Variants in MED12L observed in about 807,000 individuals in gnomAD.
The protein encoded by MED12L is mediator complex subunit 12L.
MED12L carries 60 observed loss-of-function variants against 281.3 expected under a neutral mutation model. The ratio of observed to expected loss-of-function variants is 0.21; its 90% CI spans 0.17 to 0.26. The LOEUF is 0.26. Among genes scored for constraint, MED12L ranks in the 10% least tolerant of loss-of-function variants. The pLI, the probability that MED12L is intolerant of heterozygous loss-of-function variation, is 1.00. For missense variants in MED12L, 2,146 were observed against 2,680.9 expected (o/e 0.80, Z 4.41); for synonymous variants, 974 against 987.2 (o/e 0.99, Z 0.25).
intron 16 of MED12L, among the ~76,000 whole-genome samples, chr3:151,255,405 C>T (rs747316521): frequency 2.7e-5 from 4 of 149,412 alleles, no homozygotes; most frequent in South Asian, 2.1e-4. Flanking sequence ...GTAGAGTAGA[C>T]GGAAAGTCCA....
chr3:151,277,209 G>GTT (rs1330337161), intron 16 of MED12L, among the ~76,000 whole-genome samples: 1 of 142,440 alleles, frequency 7.0e-6, no homozygotes, highest in African/African-American at 2.6e-5. Context: ...TGGCCTCCTT[G>GTT]TTTTTTTTTT....
At chr3:151,378,636 C>T (rs1303907176) in intron 31 of MED12L, among the ~76,000 whole-genome samples, 1 of 152,014 alleles carries the variant, frequency 6.6e-6, no homozygotes, top group African/African-American at 2.4e-5. Context: ...CCTCGGCCAC[C>T]ACAACTAATG....
chr3:151,258,947 C>T (rs1738352755), intron 16 of MED12L, among the ~76,000 whole-genome samples: 1 of 151,974 alleles, frequency 6.6e-6, no homozygotes, highest in African/African-American at 2.4e-5. Context: ...TGCTGTTAGC[C>T]TCTGCAGGCT....
chr3:151,244,468 C>G (rs1398548298), intron 16 of MED12L, among the ~76,000 whole-genome samples: 2 of 145,760 alleles, frequency 1.4e-5, no homozygotes, highest in Admixed American at 7.0e-5. Flanking sequence ...GAATCTCACT[C>G]AAAACCACTC....
intron 37 of MED12L, among the ~76,000 whole-genome samples, chr3:151,389,187 A>C (rs1271527322): frequency 6.6e-6 from 1 of 151,954 alleles, no homozygotes; most frequent in Non-Finnish European, 1.5e-5. Context: ...CACTCCCTCA[A>C]ATTTGGGGTT....
intron 16 of MED12L, among the ~76,000 whole-genome samples, chr3:151,242,647 T>C (rs1734443931): frequency 6.6e-6 from 1 of 151,974 alleles, no homozygotes; most frequent in Admixed American, 6.5e-5. Context: ...CAAAAGTAGA[T>C]AAAACCACAA....
intron 26 of MED12L, among the ~76,000 whole-genome samples, chr3:151,371,768 TC>T (rs1310964717): frequency 1.3e-5 from 2 of 152,204 alleles, no homozygotes; most frequent in Non-Finnish European, 2.9e-5. Context: ...CATTTGGCAA[TC>T]CTTATTTTGA....
intron 16 of MED12L, among the ~76,000 whole-genome samples, chr3:151,237,353 T>TTTC (rs1553753085): frequency 3.9e-5 from 5 of 127,096 alleles, no homozygotes; most frequent in South Asian, 2.6e-4. Context: ...TTTTTTTCTT[T>TTTC]TTTTTTTTTT....
chr3:151,286,965 C>G (rs1743594888), intron 16 of MED12L, among the ~76,000 whole-genome samples: 1 of 152,096 alleles, frequency 6.6e-6, no homozygotes, highest in Non-Finnish European at 1.5e-5. Flanking sequence ...AGAGGGCTTC[C>G]CAGCTTCAAC....
rs1258290925 is a variant in MED12L, at chr3:151,420,775, C to G, written c.6408+4353C>G. 5.9e-5 allele frequency among the ~76,000 whole-genome samples: 9 copies of G among 152,318 alleles called. No homozygotes were observed. The East Asian group carries it at 1.7e-3, about 29-fold the overall frequency. ...CGCTGCACTTCTTTAGCTGTAAAGT[C>G]AGTGCCTTGGTCAGAGGCAGTGCTG... On this transcript the variant is annotated intron_variant, in intron 43 of 44. Coordinates refer to ENST00000687756, the MANE Select transcript of MED12L (RefSeq NM_001393769.1).
chr3:151,116,377 A>G lies in MED12L; in HGVS notation c.139A>G (p.Asn47Asp), dbSNP rs759957670. Residue 47 changes from asparagine (N) to aspartate (D), a missense_variant, in exon 3 of 45, where the codon AAT becomes GAT. This residue lies in a region of MED12L where 722 missense variants were observed against 861.2 expected (regional missense o/e 0.84). Coordinates refer to ENST00000687756, the MANE Select transcript of MED12L (RefSeq NM_001393769.1). ...TAVNVKQGFN[N>D]QPAFTGDEHG... is the part of the protein sequence containing the mutation. Reference sequence around the variant, plus strand: ...TGTGAATGTAAAGCAAGGCTTCAATAATCAGCCAGCCTTCACTGGAGATGA... The same window carrying G: ...TGTGAATGTAAAGCAAGGCTTCAATGATCAGCCAGCCTTCACTGGAGATGA... The G allele has an allele frequency of 1.2e-6, 2 of 1,613,660 alleles. No homozygotes were observed. The highest frequency in any genetic ancestry group is 3.3e-5 in the Admixed American group (2 of 60,028).
intron 5 of MED12L, among the ~76,000 whole-genome samples, chr3:151,141,187 G>GTTTTGT (rs1716934388): frequency 1.0e-5 from 1 of 99,120 alleles, no homozygotes; most frequent in African/African-American, 4.8e-5. Flanking sequence ...TGTTTTTTTT[G>GTTTTGT]TTTTTTTTTT....
At chr3:151,375,949 CT>C in intron 27 of MED12L, 76 bp from the exon 28 acceptor site, 1 of 626,654 alleles carries the variant, frequency 1.6e-6, no homozygotes, top group South Asian at 5.3e-5. Context: ...CAATTATGCA[CT>C]GTGGATTTAG....
chr3:151,301,382 A>G (rs890306293), intron 16 of MED12L, among the ~76,000 whole-genome samples: 3 of 152,108 alleles, frequency 2.0e-5, no homozygotes, highest in African/African-American at 7.2e-5. Flanking sequence ...TCTGTTCTCA[A>G]GTTGTATGGT....
rs912765814 is a variant in MED12L at position 151,434,952 on chromosome 3, T to C, written c.*2148T>C. The C allele has an allele frequency of 6.6e-6, 1 of 152,114 alleles. No individual in the cohort carries two copies. The highest frequency in any genetic ancestry group is 2.4e-5 in the African/African-American group (1 of 41,432). The allele number at this position is 152,114 out of a possible 1,614,324, so 9.4% of individuals were successfully genotyped here. ...ACGACTCTAATTAATTCCACGATTC[T>C]ATTGAAAGTTGAGGAATGCTGTTTT... is the stretch of plus-strand genomic sequence containing the variant. On this transcript the variant is annotated 3_prime_UTR_variant, in exon 45 of 45. Transcript: ENST00000687756.
intron 11 of MED12L, among the ~76,000 whole-genome samples, chr3:151,167,565 A>G (rs1022237044): frequency 3.3e-5 from 5 of 152,224 alleles, no homozygotes; most frequent in Admixed American, 2.6e-4. Context: ...TTTTTGATTG[A>G]TCACCCTGCT....
chr3:151,372,597 G>C lies in MED12L; in HGVS notation c.3695G>C (p.Ser1232Thr), dbSNP rs775604308. 1.2e-6 allele frequency: 2 copies of C among 1,613,818 alleles called. No homozygotes were observed. Residue 1232 changes from serine (S) to threonine (T), a missense_variant, in exon 27 of 45, where the codon AGC becomes ACC. Ser to Thr is a moderately conservative substitution (Grantham distance 58, BLOSUM62 1). Around this residue, in one of 9 missense-constraint regions of MED12L, gnomAD observed 235 missense variants for 260.3 expected, o/e 0.90. Coordinates refer to ENST00000687756, the MANE Select transcript of MED12L (RefSeq NM_001393769.1). Reference protein sequence around the residue: ...GDAKIGNNSVSSLKNDDFTMR... With the variant: ...GDAKIGNNSVTSLKNDDFTMR... ...GCCAAAATTGGCAATAACAGTGTCA[G>C]CTCTTTAAAGAATGATGACTTCACC...
At position 151,253,432 on chromosome 3, in the gene MED12L, T is replaced by G. The variant is rs189054489; in HGVS notation, c.2250+59766T>G. Among the ~76,000 whole-genome samples, 90 of 152,302 alleles carry G rather than the reference T, an allele frequency of 5.9e-4. 1 individual carries two copies. Among genetic ancestry groups the G allele is most frequent in the African/African-American group, 2.1e-3 (88 of 41,576 alleles). On this transcript the variant is annotated intron_variant, in intron 16 of 44. Transcript: ENST00000687756. ...TGTTCATTTCCAAACACACCTTCTGTTCTCCCTCCTCTGGCCTTTGTTGGG... is the reference window on the plus strand; with the variant it reads ...TGTTCATTTCCAAACACACCTTCTGGTCTCCCTCCTCTGGCCTTTGTTGGG...
At chr3:151,198,963 C>A (rs757655164) in intron 16 of MED12L, 1 of 1,613,882 alleles carries the variant, frequency 6.2e-7, no homozygotes, top group Non-Finnish European at 8.5e-7. Flanking sequence ...ATAAGAAGGA[C>A]CATTAGCCAC....
Sources: allele counts gnomAD v4.1 joint callset (sites outside exome capture counted in the v4.1 genomes callset), GRCh38; gene constraint gnomAD v4.1.1; regional missense constraint gnomAD v4.1.1; transcripts MANE v1.5; gene names NCBI Gene and HGNC (gene_info 2026-07-23, HGNC 2026-07-21).